Variants in SSBP2 observed in about 807,000 individuals in gnomAD.
SSBP2 encodes the protein single stranded DNA binding protein 2.
SSBP2 carries 17 observed loss-of-function variants against 61.8 expected under a neutral mutation model. That is an observed-to-expected ratio of 0.28 (90% CI 0.19 to 0.41). The LOEUF (loss-of-function observed/expected upper bound fraction) is 0.41. Ranked by LOEUF, SSBP2 falls within the 10% of genes least tolerant of loss-of-function variation. SSBP2 has a pLI of 1.00. For synonymous variants in SSBP2, 139 were observed against 141.3 expected (o/e 0.98, Z 0.12); for missense variants, 310 against 458.7 (o/e 0.68, Z 2.96).
At chr5:81,681,050 G>A (rs1223171636) in intron 1 of SSBP2, among the ~76,000 whole-genome samples, 1 of 151,914 alleles carries the variant, frequency 6.6e-6, no homozygotes, top group Non-Finnish European at 1.5e-5. Context: ...AAATTTAAAA[G>A]GATAGAAATC....
chr5:81,442,492 T>G (rs1009388506), intron 13 of SSBP2, among the ~76,000 whole-genome samples, 161 bp downstream of exon 13: 9 of 152,034 alleles, frequency 5.9e-5, no homozygotes, highest in Admixed American at 2.0e-4. Context: ...ATGTTTACTG[T>G]TTTTTTAACC....
intron 1 of SSBP2, among the ~76,000 whole-genome samples, chr5:81,676,528 C>G (rs922390586): frequency 2.0e-5 from 3 of 152,092 alleles, no homozygotes; most frequent in Non-Finnish European, 2.9e-5. Context: ...ACCGAACAGT[C>G]CCCCAAATGA....
At chr5:81,560,966 C>T (rs1344097961) in intron 4 of SSBP2, among the ~76,000 whole-genome samples, 2 of 152,100 alleles carry the variant, frequency 1.3e-5, no homozygotes, top group Non-Finnish European at 2.9e-5. Context: ...AAAATTGCTA[C>T]AGAACTCAAG....
intron 4 of SSBP2, among the ~76,000 whole-genome samples, chr5:81,575,985 T>A (rs1774182585): frequency 6.6e-6 from 1 of 152,140 alleles, no homozygotes; most frequent in Non-Finnish European, 1.5e-5. Flanking sequence ...ACCACATACC[T>A]TACTATCAGA....
intron 5 of SSBP2, among the ~76,000 whole-genome samples, chr5:81,510,137 C>G (rs889710078): frequency 5.3e-5 from 8 of 152,112 alleles, no homozygotes; most frequent in African/African-American, 1.9e-4. Flanking sequence ...TTCAAGTACC[C>G]TTAAAATGAT....
intron 4 of SSBP2, among the ~76,000 whole-genome samples, chr5:81,613,581 C>A (rs1183372242): frequency 1.3e-5 from 2 of 152,180 alleles, no homozygotes; most frequent in African/African-American, 4.8e-5. Context: ...CATCTTTCTA[C>A]AGAATGCAAT....
At chr5:81,554,516 T>C (rs1273773466) in intron 4 of SSBP2, among the ~76,000 whole-genome samples, 1 of 151,582 alleles carries the variant, frequency 6.6e-6, no homozygotes, top group Admixed American at 6.6e-5. Context: ...AAAAACACTA[T>C]GTATATCCAC....
chr5:81,586,830 C>T (rs1306662158), intron 4 of SSBP2, among the ~76,000 whole-genome samples: 2 of 151,834 alleles, frequency 1.3e-5, no homozygotes, highest in Non-Finnish European at 2.9e-5. Flanking sequence ...ACACCTGCTT[C>T]CCTCTAGGAG....
At chr5:81,433,873 A>C in intron 15 of SSBP2, among the ~76,000 whole-genome samples, 1 of 152,252 alleles carries the variant, frequency 6.6e-6, no homozygotes, top group Non-Finnish European at 1.5e-5. Context: ...TTGCTTACTG[A>C]AACAGTGCCA....
intron 9 of SSBP2, among the ~76,000 whole-genome samples, chr5:81,463,237 T>C (rs1034027790): frequency 6.6e-6 from 1 of 152,190 alleles, no homozygotes; most frequent in African/African-American, 2.4e-5. Context: ...AGGGTTATAG[T>C]AGGGAGTAGT....
chr5:81,736,556 T>C (rs964628191), intron 1 of SSBP2, among the ~76,000 whole-genome samples: 1 of 152,226 alleles, frequency 6.6e-6, no homozygotes, highest in African/African-American at 2.4e-5. Flanking sequence ...AAAATTTGTA[T>C]ATGCATGTAT....
chr5:81,421,298 T>C (rs1341184891), intron 16 of SSBP2, among the ~76,000 whole-genome samples: 1 of 152,152 alleles, frequency 6.6e-6, no homozygotes, highest in Non-Finnish European at 1.5e-5. Context: ...GCTCAGGTGA[T>C]CCCACCACCT....
Position 81,524,568 on chromosome 5 carries a change from T to C in SSBP2, c.283-10851A>G, listed in dbSNP as rs943805625. 3.3e-5 allele frequency among the ~76,000 whole-genome samples: 5 copies of C among 152,102 alleles called. No individual in the cohort carries two copies. In the East Asian group the frequency reaches 7.7e-4, roughly 23 times the overall value. ...AGTTTTTCATGAGGTATCTAGAAACTAGTAAACTACGGATCCTAAAACGTT... is the reference window on the plus strand; with the variant it reads ...AGTTTTTCATGAGGTATCTAGAAACCAGTAAACTACGGATCCTAAAACGTT... On this transcript the variant is annotated intron_variant, in intron 4 of 16. Coordinates refer to ENST00000320672, the MANE Select transcript of SSBP2 (RefSeq NM_012446.5).
At chr5:81,551,516 T>C (rs570624766) in intron 4 of SSBP2, among the ~76,000 whole-genome samples, 1 of 152,320 alleles carries the variant, frequency 6.6e-6, no homozygotes, top group Middle Eastern at 3.4e-3. Flanking sequence ...ACAATCAGTC[T>C]TTCTCAATGG....
chr5:81,652,288 G>A (rs937204201), intron 1 of SSBP2, among the ~76,000 whole-genome samples: 1 of 151,954 alleles, frequency 6.6e-6, no homozygotes, highest in Non-Finnish European at 1.5e-5. Context: ...ATATTAACGG[G>A]GGTAATATAG....
chr5:81,739,784 T>A (rs1756884367), intron 1 of SSBP2, among the ~76,000 whole-genome samples: 1 of 152,222 alleles, frequency 6.6e-6, no homozygotes, highest in Admixed American at 6.5e-5. Flanking sequence ...AAATCCAGCT[T>A]TTTAAGAAGC....
intron 1 of SSBP2, among the ~76,000 whole-genome samples, chr5:81,659,662 T>G (rs1163513693): frequency 6.6e-6 from 1 of 152,128 alleles, no homozygotes; most frequent in African/African-American, 2.4e-5. Context: ...TAAAAAAAAC[T>G]ACTTTAAATT....
chr5:81,531,837 G>A (rs1456110254), intron 4 of SSBP2, among the ~76,000 whole-genome samples: 1 of 152,044 alleles, frequency 6.6e-6, no homozygotes, highest in Non-Finnish European at 1.5e-5. Flanking sequence ...TAGAGCAAGA[G>A]GTATGCTAGG....
chr5:81,497,593 A>G (rs1371015281), intron 5 of SSBP2, among the ~76,000 whole-genome samples: 2 of 152,198 alleles, frequency 1.3e-5, no homozygotes, highest in African/African-American at 2.4e-5. Flanking sequence ...AAATGCTTAT[A>G]AAGTATGTCT....
Sources: allele counts gnomAD v4.1 joint callset (sites outside exome capture counted in the v4.1 genomes callset), GRCh38; gene constraint gnomAD v4.1.1; transcripts MANE v1.5; gene names NCBI Gene and HGNC (gene_info 2026-07-23, HGNC 2026-07-21).